The following TELO2 variants were observed in gnomAD, a reference collection of about 807,000 sequenced individuals.
The protein encoded by TELO2 is telomere length regulation protein TEL2 homolog.
In TELO2, 71 loss-of-function variants were observed where a neutral mutation model predicts 91.0. The observed-to-expected ratio is 0.78, with a 90% CI of 0.64 to 0.95. TELO2 has a LOEUF of 0.95. Ranked by LOEUF, TELO2 falls within the 40% of genes least tolerant of loss-of-function variation. The pLI, the probability that TELO2 is intolerant of heterozygous loss-of-function variation, is 0.00. For synonymous variants in TELO2, 584 were observed against 518.9 expected (o/e 1.13, Z -1.71); for missense variants, 1,183 against 1,141.3 (o/e 1.04, Z -0.53).
chr16:1,506,355 G>A (rs760288315), intron 17 of TELO2, 26 bp downstream of exon 17: 1 of 1,613,760 alleles, frequency 6.2e-7, no homozygotes, highest in Non-Finnish European at 8.5e-7. Flanking sequence ...GTGGGCCTGT[G>A]GACTTGGGGG....
intron 9 of TELO2, 54 bp from the exon 10 acceptor site, chr16:1,501,366 G>T: frequency 1.3e-6 from 2 of 1,574,086 alleles, no homozygotes; most frequent in East Asian, 2.3e-5. Context: ...GCTCCGTCTC[G>T]GGGAGGGGCG....
At chr16:1,499,013 G>A (rs560743553) in intron 5 of TELO2, among the ~76,000 whole-genome samples, 1 of 152,272 alleles carries the variant, frequency 6.6e-6, no homozygotes, top group African/African-American at 2.4e-5. Context: ...CTCCGCCCGG[G>A]CTGCGGTGCA....
chr16:1,497,228 C>T lies in TELO2; in HGVS notation c.682+124C>T. The T allele has an allele frequency of 4.0e-6, 6 of 1,502,460 alleles. No individual in the cohort carries two copies. Among genetic ancestry groups the T allele is most frequent in the Non-Finnish European group, 5.4e-6 (6 of 1,116,216 alleles). The allele number at this position is 1,502,460 out of a possible 1,614,324, so 93.1% of individuals were successfully genotyped here. Reference sequence around the variant, plus strand: ...GCAGGGTCCCCTTGCCCGGTCCTGTCCTGGGCCCGTGGGATCTGGGGCTCA... The same window carrying T: ...GCAGGGTCCCCTTGCCCGGTCCTGTTCTGGGCCCGTGGGATCTGGGGCTCA... On this transcript the variant is annotated intron_variant, in intron 4 of 20. Transcript: ENST00000262319. This position sits in a 1 kb window ranked among gnomAD's most constrained non-coding sequence, Gnocchi z 4.0.
At chr16:1,503,480 G>A (rs891246259) in intron 15 of TELO2, among the ~76,000 whole-genome samples, 1 of 152,182 alleles carries the variant, frequency 6.6e-6, no homozygotes, top group African/African-American at 2.4e-5. Flanking sequence ...GAACCCAGGA[G>A]GTGGAGGCCG....
rs905988867 is a variant in TELO2, at chr16:1,505,101, C to T, written c.1843-309C>T. 10 of 322,004 alleles carry T rather than the reference C, an allele frequency of 3.1e-5. No homozygotes were observed. Among genetic ancestry groups the T allele is most frequent in the South Asian group, 2.2e-4 (3 of 13,902 alleles). The allele number at this position is 322,004 out of a possible 1,614,324, so 19.9% of individuals were successfully genotyped here. On this transcript the variant is annotated intron_variant, in intron 15 of 20. Transcript: ENST00000262319. This position sits in a 1 kb window ranked among gnomAD's most constrained non-coding sequence, Gnocchi z 4.3. ...TGCAGCGTTGCTTTTGCTGTGAGGC[C>T]GACTTCCTGGGATAAGGGCATGTGG...
In TELO2 at chr16:1,497,549, G is replaced by C; in HGVS notation, c.830+41G>C. ...GTCCTCCAGCTGCACTGGCTTCTGGGGTCTGGACCCCCAGAGGCTGCCATT... is the reference window on the plus strand; with the variant it reads ...GTCCTCCAGCTGCACTGGCTTCTGGCGTCTGGACCCCCAGAGGCTGCCATT... On this transcript the variant is annotated intron_variant, in intron 5 of 20. Transcript: ENST00000262319. The surrounding 1 kb of genome is among the most constrained non-coding windows in gnomAD (Gnocchi z 4.0). 6.6e-7 allele frequency: 1 copy of C among 1,513,650 alleles called. No individual in the cohort carries two copies. The highest frequency in any genetic ancestry group is 8.8e-7 in the Non-Finnish European group (1 of 1,131,142). 93.8% of individuals were successfully genotyped at this position (1,513,650 alleles called of 1,614,324 possible).
In TELO2 at chr16:1,494,492, A is replaced by G. The variant is rs1177049184; in HGVS notation, c.211A>G (p.Ser71Gly). 6.2e-7 allele frequency: 1 copy of G among 1,613,192 alleles called. No individual in the cohort carries two copies. The highest frequency in any genetic ancestry group is 1.1e-5 in the South Asian group (1 of 91,068). ...PVLRCLASRL[S>G]PAWLELLPHG... is the part of the protein sequence containing the mutation. ...CCTCAGATGTCTTGCCAGCAGGCTG[A>G]GCCCAGCCTGGCTGGAGCTGCTGCC... Residue 71 changes from serine (S) to glycine (G), a missense_variant, in exon 2 of 21, where the codon AGC becomes GGC. Coordinates refer to ENST00000262319, the MANE Select transcript of TELO2 (RefSeq NM_016111.4). The surrounding 1 kb of genome is among the most constrained non-coding windows in gnomAD (Gnocchi z 5.6).
chr16:1,507,151 G>A, intron 18 of TELO2, 100 bp downstream of exon 18: 1 of 1,495,522 alleles, frequency 6.7e-7, no homozygotes, highest in Non-Finnish European at 9.0e-7. Context: ...CTGAGGGAGG[G>A]GCTGCCTGTG....
chr16:1,502,598 G>A (rs2039731650), intron 13 of TELO2, 47 bp from the exon 14 acceptor site: 5 of 1,589,990 alleles, frequency 3.1e-6, no homozygotes, highest in East Asian at 4.5e-5. Context: ...AGGCCTCGGC[G>A]GGCAGCTGGG....
intron 9 of TELO2, among the ~76,000 whole-genome samples, chr16:1,500,902 A>T (rs1405730503): frequency 6.6e-6 from 1 of 152,200 alleles, no homozygotes; most frequent in African/African-American, 2.4e-5. Context: ...GGGTGAGCAC[A>T]GGGCCCCCAG....
chr16:1,496,005 C>T (rs1814915846), intron 3 of TELO2, among the ~76,000 whole-genome samples: 1 of 152,220 alleles, frequency 6.6e-6, no homozygotes, highest in South Asian at 2.1e-4. Context: ...CGCCCATGCT[C>T]GCTCTGTTTT....
rs1029728496 is a variant in TELO2 at position 1,495,693 on chromosome 16, G to A, written c.613+70G>A. ...GGTCCTCGTCCCCTGCCACCCTCTG[G>A]TGCCTCACGGCCTCTGGAGACTTTG... On this transcript the variant is annotated intron_variant, in intron 3 of 20. Coordinates refer to ENST00000262319, the MANE Select transcript of TELO2 (RefSeq NM_016111.4). 1.4e-5 allele frequency: 21 copies of A among 1,514,146 alleles called. 1 individual carries two copies. The Middle Eastern group carries it at 7.0e-4, about 50-fold the overall frequency. The allele number at this position is 1,514,146 out of a possible 1,614,324, so 93.8% of individuals were successfully genotyped here.
intron 20 of TELO2, among the ~76,000 whole-genome samples, chr16:1,508,404 T>G (rs2039986659): frequency 1.3e-5 from 2 of 152,246 alleles, no homozygotes; most frequent in African/African-American, 4.8e-5. Flanking sequence ...GTGCTGGGAT[T>G]ACAGGCGTGA....
intron 15 of TELO2, among the ~76,000 whole-genome samples, chr16:1,504,614 G>A (rs1238050303): frequency 1.6e-5 from 2 of 126,050 alleles, no homozygotes; most frequent in South Asian, 5.9e-4. Flanking sequence ...CTGGAGTGCA[G>A]TGGCGCGATC....
At chr16:1,506,119 C>T in intron 16 of TELO2, 119 bp from the exon 17 acceptor site, 1 of 1,122,360 alleles carries the variant, frequency 8.9e-7, no homozygotes, top group South Asian at 1.4e-5. Context: ...GGAAGAGTAG[C>T]CCGGGGAGGC....
rs770294346 is a variant in TELO2 at position 1,500,153 on chromosome 16, C to T, written c.991C>T (p.Leu331Phe). ...HLAMDSQRRP[L>F]LLQVLKELLE... ...GGCCATGGACAGCCAGCGGCGCCCG[C>T]TCCTGCTGCAGGTACGTGCCTCCTG... is the stretch of plus-strand genomic sequence containing the variant. Residue 331 changes from leucine to phenylalanine, a missense_variant, in exon 7 of 21, where the codon CTC becomes TTC. By Grantham distance (22) the Leu-to-Phe change is conservative. Transcript: ENST00000262319. 1.2e-6 allele frequency: 2 copies of T among 1,605,884 alleles called. No individual in the cohort carries two copies. The highest frequency in any genetic ancestry group is 4.5e-5 in the East Asian group (2 of 44,804).
chr16:1,496,612 G>A (rs1007971491), intron 3 of TELO2, among the ~76,000 whole-genome samples: 1 of 152,148 alleles, frequency 6.6e-6, no homozygotes, highest in Non-Finnish European at 1.5e-5. Context: ...GGCCCCTCCC[G>A]GTTCCCCACG....
intron 19 of TELO2, 52 bp downstream of exon 19, chr16:1,507,422 G>A (rs1262431321): frequency 1.3e-6 from 2 of 1,599,052 alleles, no homozygotes; most frequent in Non-Finnish European, 1.7e-6. Context: ...AGACACAGGG[G>A]TCTTATTGTG....
rs988303961 is a variant in TELO2, at chr16:1,506,426, G to T, written c.2126+97G>T. 36 of 1,605,464 alleles carry T rather than the reference G, an allele frequency of 2.2e-5. No individual in the cohort carries two copies. In the African/African-American group the frequency reaches 4.1e-4, roughly 18 times the overall value. On this transcript the variant is annotated intron_variant, in intron 17 of 20. Coordinates refer to ENST00000262319, the MANE Select transcript of TELO2 (RefSeq NM_016111.4). ...TTCGGGCTGGGATCTGAGTGGGTTT[G>T]GGTGTGAACAGGGTCGTGCTTTGCT... is the stretch of plus-strand genomic sequence containing the variant.
Sources: gnomAD v4.1 joint callset for allele counts (sites outside exome capture counted in the v4.1 genomes callset) on GRCh38, gnomAD v4.1.1 for gene constraint, Gnocchi (gnomAD v3.1) non-coding constraint, MANE v1.5 for transcripts, NCBI Gene and HGNC (gene_info 2026-07-23, HGNC 2026-07-21) for gene names.